Variants in TRIM9 observed in about 807,000 individuals in gnomAD.
The protein encoded by TRIM9 is E3 ubiquitin-protein ligase TRIM9.
In TRIM9, 26 loss-of-function variants were observed where a neutral mutation model predicts 78.3. That is an observed-to-expected ratio of 0.33 (90% CI 0.24 to 0.46). The LOEUF (loss-of-function observed/expected upper bound fraction) is 0.46. Among genes scored for constraint, TRIM9 ranks in the 20% least tolerant of loss-of-function variants. The pLI is 1.00. For missense variants in TRIM9, 787 were observed against 1,036.4 expected, an observed-to-expected ratio of 0.76 and a Z score of 3.30; for synonymous variants, 398 against 416.5, an observed-to-expected ratio of 0.96 and a Z score of 0.54.
chr14:51,016,264 T>A (rs1218305299), intron 3 of TRIM9, among the ~76,000 whole-genome samples: 1 of 152,204 alleles, frequency 6.6e-6, no homozygotes, highest in African/African-American at 2.4e-5. Flanking sequence ...CACTGGTCCG[T>A]GGCCTGTTAG....
Position 50,983,276 on chromosome 14 carries a change from AGACAATTTTATT to A in TRIM9, c.1834+92_1834+103del, listed in dbSNP as rs2052223732. The A allele has an allele frequency of 2.5e-5, 24 of 971,294 alleles. 1 individual carries two copies. The East Asian group carries it at 6.4e-4, about 26-fold the overall frequency. 60.2% of individuals were successfully genotyped at this position (971,294 alleles called of 1,614,324 possible). A position where few individuals can be genotyped will look rare whatever the true frequency, so the allele number is the denominator to read the frequency against. On this transcript the variant is annotated intron_variant, in intron 9 of 12. Coordinates refer to ENST00000684578, the MANE Select transcript of TRIM9 (RefSeq NM_001387360.1). The stretch of plus-strand genomic sequence containing the variant: ...CTATAATAGGGTTAGAATGACAATT[AGACAATTTTATT>A]GACATAAGACAAGTTGCCGCCATTT...
At chr14:51,070,972 G>C (rs1035684763) in intron 1 of TRIM9, among the ~76,000 whole-genome samples, 70 of 152,260 alleles carry the variant, frequency 4.6e-4, no homozygotes, top group Non-Finnish European at 9.4e-4. Flanking sequence ...GAGATTCAGA[G>C]ACTGGGGACT....
chr14:50,976,698 A>G lies in TRIM9; in HGVS notation c.*593T>C, dbSNP rs1265271346. On this transcript the variant is annotated 3_prime_UTR_variant, in exon 13 of 13. Coordinates refer to ENST00000684578, the MANE Select transcript of TRIM9 (RefSeq NM_001387360.1). ...ACCCTGATGTGAACCTGTGTAGCGG[A>G]TATTTTTGTGCTTCAATGAGTAGTA... 1 of 152,640 alleles carries G rather than the reference A, an allele frequency of 6.6e-6. No homozygotes were observed. Among genetic ancestry groups the G allele is most frequent in the East Asian group, 1.9e-4 (1 of 5,190 alleles). 9.5% of individuals were successfully genotyped at this position (152,640 alleles called of 1,614,324 possible). A position where few individuals can be genotyped will look rare whatever the true frequency, so the allele number is the denominator to read the frequency against.
intron 1 of TRIM9, among the ~76,000 whole-genome samples, chr14:51,036,249 A>T (rs2059142171): frequency 6.6e-6 from 1 of 152,198 alleles, no homozygotes; most frequent in Admixed American, 6.5e-5. Context: ...TGTAAAATCA[A>T]CTATGTATTT....
chr14:50,998,299 G>A (rs1285697094), intron 6 of TRIM9, 111 bp from the exon 7 acceptor site: 10 of 1,027,264 alleles, frequency 9.7e-6, no homozygotes, highest in African/African-American at 4.8e-5. Context: ...ATTCTAATCT[G>A]GATTTGAATC....
chr14:51,066,100 G>A (rs544902376), intron 1 of TRIM9, among the ~76,000 whole-genome samples: 7 of 133,986 alleles, frequency 5.2e-5, no homozygotes, highest in African/African-American at 2.0e-4. Flanking sequence ...AGGGAGGGAG[G>A]GACGGAGGGA....
intron 1 of TRIM9, among the ~76,000 whole-genome samples, chr14:51,050,168 T>C (rs2060281276): frequency 6.6e-6 from 1 of 152,228 alleles, no homozygotes; most frequent in South Asian, 2.1e-4. Flanking sequence ...AAGATGGCCA[T>C]ACCTATGTAT....
rs555701938 is a variant in TRIM9 at position 51,043,595 on chromosome 14, T to C, written c.823-18235A>G. 2.6e-5 allele frequency among the ~76,000 whole-genome samples: 4 copies of C among 152,354 alleles called. No individual in the cohort carries two copies. The South Asian group carries it at 8.3e-4, about 32-fold the overall frequency. On this transcript the variant is annotated intron_variant, in intron 1 of 12. Transcript: ENST00000684578. ...GGGAGAGTGATGTCACAGAAGTTTA[T>C]ATGAAATTTGGATGGGAAACTAAAT... is the stretch of plus-strand genomic sequence containing the variant.
chr14:51,047,349 G>A (rs2060028232), intron 1 of TRIM9, among the ~76,000 whole-genome samples: 3 of 152,056 alleles, frequency 2.0e-5, no homozygotes, highest in Admixed American at 6.6e-5. Flanking sequence ...TCTGGGCCAC[G>A]GCATTCATTT....
chr14:51,042,786 C>T (rs1159182629), intron 1 of TRIM9, among the ~76,000 whole-genome samples: 1 of 152,120 alleles, frequency 6.6e-6, no homozygotes, highest in Non-Finnish European at 1.5e-5. Context: ...TTTGCCAGGA[C>T]CCCAAGACTA....
intron 8 of TRIM9, among the ~76,000 whole-genome samples, chr14:50,985,045 A>G (rs927993422): frequency 2.4e-4 from 37 of 152,268 alleles, no homozygotes; most frequent in Non-Finnish European, 1.0e-4. Flanking sequence ...AATAAAAACC[A>G]AAAGAAACCT....
At chr14:50,978,585 G>A (rs1043827404) in intron 12 of TRIM9, among the ~76,000 whole-genome samples, 18 of 152,216 alleles carry the variant, frequency 1.2e-4, no homozygotes, top group Admixed American at 7.8e-4. Flanking sequence ...CCCTACCTAC[G>A]CAATACTGTG....
intron 7 of TRIM9, 193 bp from the exon 8 acceptor site, chr14:50,986,337 AC>A: frequency 2.5e-6 from 1 of 398,144 alleles, no homozygotes; most frequent in Non-Finnish European, 4.4e-6. Flanking sequence ...AGGACCCAAG[AC>A]CAGAGGACAC....
At chr14:51,087,984 CA>C (rs1278994143) in intron 1 of TRIM9, among the ~76,000 whole-genome samples, 1 of 151,984 alleles carries the variant, frequency 6.6e-6, no homozygotes, top group African/African-American at 2.4e-5. Context: ...GAGTTATTTA[CA>C]ATAGAAAGGG....
chr14:50,982,099 G>T lies in TRIM9; in HGVS notation c.1863C>A (p.Ala621=). 1.2e-6 allele frequency: 2 copies of T among 1,613,756 alleles called. No homozygotes were observed. Among genetic ancestry groups the T allele is most frequent in the Non-Finnish European group, 1.7e-6 (2 of 1,179,692 alleles). ...CCGAGCCAGGGTCGAAAGCAAACCAGGCCACTGGGAACAACAGAAGGGAAT... is the reference window on the plus strand; with the variant it reads ...CCGAGCCAGGGTCGAAAGCAAACCATGCCACTGGGAACAACAGAAGGGAAT... ...LVDIKKLLAV[A]WFAFDPGSAH... The change falls in exon 11 of 13, where the codon GCC becomes GCA. Residue 621 remains alanine, a synonymous_variant. Coordinates refer to ENST00000684578, the MANE Select transcript of TRIM9 (RefSeq NM_001387360.1).
In TRIM9 at chr14:50,986,058, G is replaced by A; in HGVS notation, c.1690C>T (p.Leu564Phe). 6.5e-7 allele frequency: 1 copy of A among 1,550,114 alleles called. No homozygotes were observed. Among genetic ancestry groups the A allele is most frequent in the Non-Finnish European group, 8.7e-7 (1 of 1,146,704 alleles). Residue 564 changes from leucine to phenylalanine, a missense_variant, in exon 8 of 13, where the codon CTT becomes TTT. Physicochemically the swap from Leu to Phe is conservative, Grantham distance 22. Transcript: ENST00000684578. Reference protein sequence around the residue: ...LRRMSPFSSTLNLQPSFPGRS... With the variant: ...LRRMSPFSSTFNLQPSFPGRS... ...CCGGGGAAGCTGGGTTGTAGATTAAGGGTGGAGGAGAAAGGACTCATTCTA... is the reference window on the plus strand; with the variant it reads ...CCGGGGAAGCTGGGTTGTAGATTAAAGGTGGAGGAGAAAGGACTCATTCTA...
At position 51,072,753 on chromosome 14, in the gene TRIM9, G is replaced by A. The variant is rs370909987; in HGVS notation, c.822+21365C>T. On this transcript the variant is annotated intron_variant, in intron 1 of 12. Transcript: ENST00000684578. Reference sequence around the variant, plus strand: ...AAATCTATTTGCATTCGTACTGTTTGCACTTAAGAACCTCTCTCCCTAAAT... The same window carrying A: ...AAATCTATTTGCATTCGTACTGTTTACACTTAAGAACCTCTCTCCCTAAAT... Among the ~76,000 whole-genome samples the A allele has an allele frequency of 3.2e-4, 49 of 151,876 alleles. No homozygotes were observed. The South Asian group carries it at 3.7e-3, about 12-fold the overall frequency.
At chr14:51,003,302 G>A (rs1022130271) in intron 5 of TRIM9, among the ~76,000 whole-genome samples, 4 of 150,288 alleles carry the variant, frequency 2.7e-5, no homozygotes, top group Non-Finnish European at 2.9e-5. Flanking sequence ...ATTCCCCCCG[G>A]GGGGTATTTA....
At chr14:51,069,253 A>G (rs919766986) in intron 1 of TRIM9, among the ~76,000 whole-genome samples, 3 of 152,206 alleles carry the variant, frequency 2.0e-5, no homozygotes, top group African/African-American at 7.2e-5. Context: ...GAGAAAGATG[A>G]GTCATAAGGT....
Sources: gnomAD v4.1 joint callset for allele counts (sites outside exome capture counted in the v4.1 genomes callset) on GRCh38, gnomAD v4.1.1 for gene constraint, MANE v1.5 for transcripts, NCBI Gene and HGNC (gene_info 2026-07-23, HGNC 2026-07-21) for gene names.